Variants in SMAGP observed in about 807,000 individuals in gnomAD.
SMAGP encodes small cell adhesion glycoprotein.
A neutral mutation model predicts 10.1 loss-of-function variants in SMAGP; 7 were observed. The ratio of observed to expected loss-of-function variants is 0.70; its 90% CI spans 0.40 to 1.31. The LOEUF is 1.31. Among genes scored for constraint, SMAGP ranks in the 50% most tolerant of loss-of-function variants. The pLI is 0.01. For synonymous variants in SMAGP, 49 were observed against 47.2 expected, an observed-to-expected ratio of 1.04 and a Z score of -0.16; for missense variants, 113 against 116.5, an observed-to-expected ratio of 0.97 and a Z score of 0.14.
intron 2 of SMAGP, among the ~76,000 whole-genome samples, chr12:51,260,716 C>T (rs1944925464): frequency 8.4e-6 from 1 of 118,646 alleles, no homozygotes. Flanking sequence ...GACGGAGTCT[C>T]ATTCTCTGGC....
At position 51,246,301 on chromosome 12, in the gene SMAGP, G is replaced by T. The variant is rs1266642377; in HGVS notation, c.116-182C>A. ...CCAATTTCCATGGCACATAATAGCT[G>T]GAGTCTCCTGGTGCTTAAGCTAAGG... is the stretch of plus-strand genomic sequence containing the variant. On this transcript the variant is annotated intron_variant, in intron 3 of 3. Transcript: ENST00000603798. The T allele has an allele frequency of 6.2e-6, 5 of 802,384 alleles. No homozygotes were observed. The East Asian group carries it at 8.2e-5, about 13-fold the overall frequency. 49.7% of individuals were successfully genotyped at this position (802,384 alleles called of 1,614,324 possible).
At chr12:51,250,543 A>T (rs1337600119) in intron 2 of SMAGP, among the ~76,000 whole-genome samples, 1 of 147,264 alleles carries the variant, frequency 6.8e-6, no homozygotes, top group Non-Finnish European at 1.5e-5. Context: ...TGAGACAAGG[A>T]TCTCACTATG....
rs978934588 is a variant in SMAGP, at chr12:51,262,536, A to C, written c.34+6709T>G. Among the ~76,000 whole-genome samples, 7 of 152,172 alleles carry C rather than the reference A, an allele frequency of 4.6e-5. No homozygotes were observed. In the South Asian group the frequency reaches 1.4e-3, roughly 31 times the overall value. On this transcript the variant is annotated intron_variant, in intron 2 of 3. Coordinates refer to ENST00000603798, the MANE Select transcript of SMAGP (RefSeq NM_001031628.2). ...ATAAACTAAGTTCAGGAAAGCTGGC[A>C]TAAAAGGAGGAAATGGCTTATAGCT...
chr12:51,258,592 CAAA>C (rs35408875), intron 2 of SMAGP, among the ~76,000 whole-genome samples: 2 of 129,392 alleles, frequency 1.5e-5, no homozygotes. Flanking sequence ...GACTCCATCT[CAAA>C]AAAAAAAAAG....
At chr12:51,267,002 G>C (rs1354579113) in intron 2 of SMAGP, among the ~76,000 whole-genome samples, 1 of 152,160 alleles carries the variant, frequency 6.6e-6, no homozygotes, top group African/African-American at 2.4e-5. Flanking sequence ...TGTAATTCCA[G>C]CTACTAGGGA....
intron 2 of SMAGP, among the ~76,000 whole-genome samples, chr12:51,260,531 C>G (rs912033134): frequency 6.6e-6 from 1 of 151,708 alleles, no homozygotes; most frequent in Non-Finnish European, 1.5e-5. Flanking sequence ...TGCCCGCCAC[C>G]ACGCCCGGCT....
At chr12:51,257,767 AC>A (rs1174395717) in intron 2 of SMAGP, among the ~76,000 whole-genome samples, 1 of 151,570 alleles carries the variant, frequency 6.6e-6, no homozygotes, top group East Asian at 2.0e-4. Flanking sequence ...CTGGTCTCGA[AC>A]TCCTGACCTC....
At chr12:51,253,229 T>G (rs552639357) in intron 2 of SMAGP, among the ~76,000 whole-genome samples, 2 of 152,214 alleles carry the variant, frequency 1.3e-5, no homozygotes, top group East Asian at 3.9e-4. Flanking sequence ...AGACTGAGAT[T>G]CCAGGTTCCT....
intron 2 of SMAGP, among the ~76,000 whole-genome samples, chr12:51,264,928 T>G (rs1367378107): frequency 7.8e-6 from 1 of 128,790 alleles, no homozygotes; most frequent in South Asian, 2.4e-4. Context: ...CAAGACTCCA[T>G]CGCCAGAAAA....
intron 2 of SMAGP, among the ~76,000 whole-genome samples, chr12:51,260,853 T>C (rs1223082581): frequency 6.8e-6 from 1 of 146,644 alleles, no homozygotes; most frequent in South Asian, 2.2e-4. Flanking sequence ...GCCCAGCTGA[T>C]TTTTTTGTAT....
At chr12:51,246,182 G>A (rs1944768066) in intron 3 of SMAGP, 63 bp from the exon 4 acceptor site, 1 of 1,583,282 alleles carries the variant, frequency 6.3e-7, no homozygotes, top group South Asian at 1.1e-5. Context: ...GTAGTTCCTG[G>A]AGTCATCTGA....
rs1565655706 is a variant in SMAGP at position 51,245,942 on chromosome 12, T to C, written c.293A>G (p.Ter98=). ...AAGCTCCTTGGGGCCTGGGAGTCAT[T>C]AGATGAAATATTCCTCTTTCTCGCT... ...KGSEKEEYFI[*] The change falls in exon 4 of 4, where the codon TAA becomes TGA. Residue 98 remains the stop codon, a stop_retained_variant. Coordinates refer to ENST00000603798, the MANE Select transcript of SMAGP (RefSeq NM_001031628.2). 1.9e-6 allele frequency: 3 copies of C among 1,612,254 alleles called. No homozygotes were observed. Among genetic ancestry groups the C allele is most frequent in the Admixed American group, 1.7e-5 (1 of 59,944 alleles).
intron 2 of SMAGP, among the ~76,000 whole-genome samples, chr12:51,247,984 A>AGG (rs1944794739): frequency 6.6e-6 from 1 of 152,154 alleles, no homozygotes; most frequent in Admixed American, 6.5e-5. Flanking sequence ...CAGGGGTAAG[A>AGG]GTTTACCGGG....
At chr12:51,264,955 A>AG (rs1491158565) in intron 2 of SMAGP, among the ~76,000 whole-genome samples, 11 of 148,708 alleles carry the variant, frequency 7.4e-5, no homozygotes, top group African/African-American at 2.2e-4. Context: ...AAAAAAAGAG[A>AG]AAGAGAGAGA....
chr12:51,267,295 C>T (rs1331996360), intron 2 of SMAGP, among the ~76,000 whole-genome samples: 2 of 152,022 alleles, frequency 1.3e-5, no homozygotes, highest in Non-Finnish European at 2.9e-5. Context: ...TAGCTTCACA[C>T]ATGGTATGAG....
At chr12:51,267,658 TA>T (rs1351780682) in intron 2 of SMAGP, among the ~76,000 whole-genome samples, 1 of 152,086 alleles carries the variant, frequency 6.6e-6, no homozygotes, top group Non-Finnish European at 1.5e-5. Flanking sequence ...CAAGCCCGGC[TA>T]ATTTTTAAAT....
At position 51,246,075 on chromosome 12, in the gene SMAGP, A is replaced by C. The variant is rs1319016014; in HGVS notation, c.160T>G (p.Leu54Val). The change falls in exon 4 of 4, where the codon TTG becomes GTG. Residue 54 changes from leucine (L) to valine (V), a missense_variant. By Grantham distance (32) the Leu-to-Val change is conservative (BLOSUM62 1). Coordinates refer to ENST00000603798, the MANE Select transcript of SMAGP (RefSeq NM_001031628.2). ...VFLTLLSVVILIFFYLYKNKG... is the reference protein window; with the variant it reads ...VFLTLLSVVIVIFFYLYKNKG... ...TTCTTGTACAGGTAAAAGAAGATCA[A>C]GATCACGACCGAGAGCAGGGTGAGG... 1.2e-6 allele frequency: 2 copies of C among 1,613,878 alleles called. No individual in the cohort carries two copies. Among genetic ancestry groups the C allele is most frequent in the African/African-American group, 2.7e-5 (2 of 74,914 alleles).
At chr12:51,246,700 G>A (rs1355712107) in intron 3 of SMAGP, 51 bp downstream of exon 3, 6 of 1,427,092 alleles carry the variant, frequency 4.2e-6, no homozygotes, top group Non-Finnish European at 5.6e-6. Context: ...CCTCTGGAGA[G>A]AGATGCCCTT....
intron 2 of SMAGP, among the ~76,000 whole-genome samples, chr12:51,254,503 C>A (rs930773893): frequency 1.3e-5 from 2 of 151,888 alleles, no homozygotes; most frequent in African/African-American, 4.8e-5. Context: ...GCCGAGATTG[C>A]ACCACTGCAC....
Sources: allele counts gnomAD v4.1 joint callset (sites outside exome capture counted in the v4.1 genomes callset), GRCh38; gene constraint gnomAD v4.1.1; transcripts MANE v1.5; gene names NCBI Gene and HGNC (gene_info 2026-07-23, HGNC 2026-07-21).